The following PXDNL variants were observed in gnomAD, a reference collection of about 807,000 sequenced individuals.
The protein encoded by PXDNL is peroxidasin like, also known as probable oxidoreductase PXDNL.
Under a neutral mutation model 150.8 loss-of-function variants are expected in PXDNL, and 145 were observed. The ratio of observed to expected loss-of-function variants is 0.96; its 90% CI spans 0.84 to 1.10. PXDNL has a LOEUF of 1.10. PXDNL is among the 50% of genes least tolerant of loss of function. The probability of loss-of-function intolerance (pLI) is 0.00; values close to 1 mark genes in which losing one functional copy is unlikely to be tolerated. For synonymous variants in PXDNL, 757 were observed against 725.7 expected, an observed-to-expected ratio of 1.04 and a Z score of -0.69; for missense variants, 2,087 against 1,873.9, an observed-to-expected ratio of 1.11 and a Z score of -2.10.
intron 19 of PXDNL, among the ~76,000 whole-genome samples, chr8:51,360,048 A>G (rs1261694279): frequency 1.3e-5 from 2 of 152,082 alleles, no homozygotes; most frequent in Admixed American, 1.3e-4. Context: ...AAAGCAAAAA[A>G]AAAAAAAAAA....
At chr8:51,649,245 C>A (rs1052691774) in intron 2 of PXDNL, among the ~76,000 whole-genome samples, 3 of 152,190 alleles carry the variant, frequency 2.0e-5, no homozygotes, top group Admixed American at 6.5e-5. Flanking sequence ...CCGACATAGA[C>A]CCCAGCCTTG....
chr8:51,335,866 A>G (rs946587561), intron 21 of PXDNL, among the ~76,000 whole-genome samples: 1 of 152,166 alleles, frequency 6.6e-6, no homozygotes, highest in Non-Finnish European at 1.5e-5. Flanking sequence ...GGGCCCAACT[A>G]CTTACACAAG....
intron 1 of PXDNL, among the ~76,000 whole-genome samples, chr8:51,694,263 T>G (rs1445015260): frequency 1.3e-5 from 2 of 152,124 alleles, no homozygotes; most frequent in Admixed American, 6.5e-5. Context: ...CTTGGAAGGC[T>G]GAGGCTGGGG....
intron 21 of PXDNL, among the ~76,000 whole-genome samples, chr8:51,325,906 G>T (rs1805469686): frequency 6.6e-6 from 1 of 152,112 alleles, no homozygotes; most frequent in African/African-American, 2.4e-5. Context: ...GTTTGGCTGG[G>T]GTAGAGTGGT....
chr8:51,704,426 A>G (rs1816321048), intron 1 of PXDNL, among the ~76,000 whole-genome samples: 1 of 152,208 alleles, frequency 6.6e-6, no homozygotes, highest in African/African-American at 2.4e-5. Context: ...TTGCTGTTAC[A>G]AAGATGTCAT....
At chr8:51,794,199 T>C (rs914671137) in intron 1 of PXDNL, among the ~76,000 whole-genome samples, 1 of 151,936 alleles carries the variant, frequency 6.6e-6, no homozygotes, top group African/African-American at 2.4e-5. Flanking sequence ...TTGGGGTACT[T>C]GAAAGAGATG....
chr8:51,399,887 A>ATGATTT (rs1225460476), intron 17 of PXDNL, among the ~76,000 whole-genome samples: 2 of 152,236 alleles, frequency 1.3e-5, no homozygotes, highest in African/African-American at 4.8e-5. Context: ...AATATTTGCT[A>ATGATTT]TGATTTTGTA....
At chr8:51,704,696 T>C (rs888674629) in intron 1 of PXDNL, among the ~76,000 whole-genome samples, 28 of 152,252 alleles carry the variant, frequency 1.8e-4, no homozygotes, top group Admixed American at 1.2e-3. Context: ...ATATACCTTA[T>C]TGCTGTTGCA....
chr8:51,744,293 G>GAAGGAAGA (rs1563307389), intron 1 of PXDNL, among the ~76,000 whole-genome samples: 3 of 139,318 alleles, frequency 2.2e-5, no homozygotes, highest in Non-Finnish European at 4.6e-5. Context: ...AGGAAAGAAG[G>GAAGGAAGA]AAGAAAGAAA....
At chr8:51,499,514 C>T (rs980929703) in intron 5 of PXDNL, among the ~76,000 whole-genome samples, 185 bp downstream of exon 5, 1 of 152,134 alleles carries the variant, frequency 6.6e-6, no homozygotes, top group Non-Finnish European at 1.5e-5. Flanking sequence ...TTGGCTATTT[C>T]ACCTTTTCTC....
chr8:51,440,075 A>G (rs1026431790), intron 12 of PXDNL, among the ~76,000 whole-genome samples: 2 of 152,052 alleles, frequency 1.3e-5, no homozygotes, highest in Non-Finnish European at 2.9e-5. Flanking sequence ...ACACACACAC[A>G]CACCATGGAA....
At chr8:51,320,386 A>AG in intron 22 of PXDNL, among the ~76,000 whole-genome samples, 1 of 152,372 alleles carries the variant, frequency 6.6e-6, no homozygotes, top group East Asian at 1.9e-4. Context: ...ACACCATGAT[A>AG]ACACTTTTTT....
intron 4 of PXDNL, among the ~76,000 whole-genome samples, chr8:51,516,106 T>C (rs891043001): frequency 2.6e-5 from 4 of 152,188 alleles, no homozygotes; most frequent in African/African-American, 7.2e-5. Flanking sequence ...TTCTGACTTT[T>C]AAAGGATATT....
At chr8:51,623,930 C>T (rs1814309554) in intron 2 of PXDNL, among the ~76,000 whole-genome samples, 1 of 151,654 alleles carries the variant, frequency 6.6e-6, no homozygotes, top group East Asian at 1.9e-4. Context: ...CCCATCTCTA[C>T]AAAAATTAAA....
intron 13 of PXDNL, among the ~76,000 whole-genome samples, chr8:51,423,962 G>T (rs1445499871): frequency 2.6e-5 from 4 of 151,950 alleles, no homozygotes; most frequent in Non-Finnish European, 5.9e-5. Flanking sequence ...ATAACCAAAA[G>T]TTCAATCATG....
rs558154056 is a variant in PXDNL, at chr8:51,585,430, A to T, written c.308+7197T>A. 5.3e-5 allele frequency among the ~76,000 whole-genome samples: 8 copies of T among 152,270 alleles called. 1 individual carries two copies. In the South Asian group the frequency reaches 1.7e-3, roughly 32 times the overall value. On this transcript the variant is annotated intron_variant, in intron 3 of 22. Coordinates refer to ENST00000356297, the MANE Select transcript of PXDNL (RefSeq NM_144651.5). ...TCAGGGTGAAGGAGTCTGAGCAGGC[A>T]GGTCAGCAAATGGCACACCAGGAAC...
At chr8:51,371,826 A>C (rs758371067) in intron 19 of PXDNL, 47 bp downstream of exon 19, 4 of 1,455,496 alleles carry the variant, frequency 2.7e-6, no homozygotes, top group Non-Finnish European at 2.9e-6. Context: ...TTCAAGCATG[A>C]GAACATGCAC....
intron 1 of PXDNL, among the ~76,000 whole-genome samples, chr8:51,733,610 C>T (rs1207901109): frequency 6.6e-6 from 1 of 151,914 alleles, no homozygotes; most frequent in Non-Finnish European, 1.5e-5. Context: ...GAGTTTGAGA[C>T]CAGCCTGGCC....
intron 5 of PXDNL, among the ~76,000 whole-genome samples, chr8:51,488,356 C>T (rs1425583504): frequency 3.9e-5 from 6 of 151,976 alleles, no homozygotes; most frequent in South Asian, 4.2e-4. Flanking sequence ...CAAACAGTTA[C>T]GGCAGGGGCA....
Sources: gnomAD v4.1 joint callset for allele counts (sites outside exome capture counted in the v4.1 genomes callset) on GRCh38, gnomAD v4.1.1 for gene constraint, MANE v1.5 for transcripts, NCBI Gene and HGNC (gene_info 2026-07-23, HGNC 2026-07-21) for gene names.